SLC35A5: variants seen among roughly 807,000 people sequenced by gnomAD.
The protein encoded by SLC35A5 is solute carrier family 35 member A5, also known as UDP-sugar transporter protein SLC35A5.
In SLC35A5, 28 loss-of-function variants were observed where a neutral mutation model predicts 36.3. The observed-to-expected ratio is 0.77, with a 90% CI of 0.57 to 1.06. The LOEUF (loss-of-function observed/expected upper bound fraction) is 1.06. Ranked by LOEUF, SLC35A5 falls within the 50% of genes least tolerant of loss-of-function variation. The pLI is 0.00. For missense variants in SLC35A5, 521 were observed against 499.3 expected, an observed-to-expected ratio of 1.04 and a Z score of -0.41; for synonymous variants, 180 against 173.7, an observed-to-expected ratio of 1.04 and a Z score of -0.29.
chr3:112,579,207 C>G (rs368390226), intron 5 of SLC35A5, among the ~76,000 whole-genome samples: 16 of 152,212 alleles, frequency 1.1e-4, no homozygotes, highest in African/African-American at 3.9e-4. Context: ...GGAAGACATA[C>G]AAAACCATGG....
intron 5 of SLC35A5, 84 bp downstream of exon 5, chr3:112,574,040 G>A (rs988704852): frequency 7.5e-6 from 9 of 1,205,062 alleles, no homozygotes; most frequent in African/African-American, 3.1e-5. Context: ...ACACTGAGCC[G>A]TCAGAATCCC....
Position 112,580,889 on chromosome 3 carries a change from A to T in SLC35A5, c.772A>T (p.Asn258Tyr). 1 of 1,614,150 alleles carries T rather than the reference A, an allele frequency of 6.2e-7. No individual in the cohort carries two copies. The highest frequency in any genetic ancestry group is 8.5e-7 in the Non-Finnish European group (1 of 1,179,992). Residue 258 changes from asparagine (N) to tyrosine (Y), a missense_variant, in exon 6 of 7, where the codon AAC becomes TAC. Asn to Tyr is a moderately radical substitution (Grantham distance 143). Transcript: ENST00000492406. ...IYNEKILKEGNQLTESIFIQN... is the reference protein window; with the variant it reads ...IYNEKILKEGYQLTESIFIQN... ...TAATGAAAAGATACTGAAGGAAGGGAACCAGCTCACTGAAAGCATCTTCAT... is the reference window on the plus strand; with the variant it reads ...TAATGAAAAGATACTGAAGGAAGGGTACCAGCTCACTGAAAGCATCTTCAT...
intron 5 of SLC35A5, among the ~76,000 whole-genome samples, chr3:112,578,293 CT>C (rs1487742696): frequency 6.6e-6 from 1 of 152,126 alleles, no homozygotes; most frequent in Non-Finnish European, 1.5e-5. Context: ...AGCTTCTTGT[CT>C]TTTACTCATA....
At chr3:112,572,397 C>G (rs1203730363) in intron 4 of SLC35A5, among the ~76,000 whole-genome samples, 1 of 152,150 alleles carries the variant, frequency 6.6e-6, no homozygotes, top group Non-Finnish European at 1.5e-5. Flanking sequence ...TTCTTTGGCT[C>G]TGTAATGCAT....
At chr3:112,577,285 A>G (rs1216882211) in intron 5 of SLC35A5, among the ~76,000 whole-genome samples, 4 of 152,236 alleles carry the variant, frequency 2.6e-5, no homozygotes, top group Admixed American at 2.6e-4. Flanking sequence ...ATAAAAGACA[A>G]TATTAGATTA....
intron 5 of SLC35A5, among the ~76,000 whole-genome samples, chr3:112,579,357 C>T (rs1260584711): frequency 6.6e-6 from 1 of 152,042 alleles, no homozygotes; most frequent in Non-Finnish European, 1.5e-5. Flanking sequence ...ATTCTCACTT[C>T]TGGTTCCCAC....
intron 2 of SLC35A5, 108 bp from the exon 3 acceptor site, chr3:112,569,062 TA>T: frequency 1.2e-6 from 1 of 808,990 alleles, no homozygotes; most frequent in Non-Finnish European, 1.9e-6. Context: ...AAACTTAATA[TA>T]ACCAGTAGTA....
intron 4 of SLC35A5, among the ~76,000 whole-genome samples, chr3:112,571,032 C>G (rs1205844975): frequency 2.0e-5 from 3 of 152,178 alleles, no homozygotes; most frequent in African/African-American, 7.2e-5. Flanking sequence ...AAGAAAACTT[C>G]CCTGATTAAC....
In SLC35A5 at chr3:112,581,022, A is replaced by G. The variant is rs1559864605; in HGVS notation, c.905A>G (p.His302Arg). 6.2e-7 allele frequency: 1 copy of G among 1,614,102 alleles called. No individual in the cohort carries two copies. The highest frequency in any genetic ancestry group is 8.5e-7 in the Non-Finnish European group (1 of 1,179,968). The change falls in exon 6 of 7, where the codon CAC becomes CGC. Residue 302 changes from histidine (H) to arginine (R), a missense_variant. Physicochemically the swap from His to Arg is conservative, Grantham distance 29. Transcript: ENST00000492406. ...AAGAACTGTGGATTTTTTTATGGCC[A>G]CAGTGCATTTTCAGTAGCCCTTATT... ...QIKNCGFFYG[H>R]SAFSVALIFV...
At position 112,584,901 on chromosome 3, in the gene SLC35A5, G is replaced by C. The variant is rs1009937326; in HGVS notation, c.*2165G>C. 3 of 152,118 alleles carry C rather than the reference G, an allele frequency of 2.0e-5. No homozygotes were observed. The highest frequency in any genetic ancestry group is 2.9e-5 in the Non-Finnish European group (2 of 68,028). The allele number at this position is 152,118 out of a possible 1,614,324, so 9.4% of individuals were successfully genotyped here. On this transcript the variant is annotated 3_prime_UTR_variant, in exon 7 of 7. Coordinates refer to ENST00000492406, the MANE Select transcript of SLC35A5 (RefSeq NM_017945.5). Reference sequence around the variant, plus strand: ...TGTGCTTTAAAGCCACATGGATGCAGCTGGAAGCCATTATCCTAACTGAAA... The same window carrying C: ...TGTGCTTTAAAGCCACATGGATGCACCTGGAAGCCATTATCCTAACTGAAA...
At chr3:112,572,231 C>T (rs1006781680) in intron 4 of SLC35A5, among the ~76,000 whole-genome samples, 2 of 151,666 alleles carry the variant, frequency 1.3e-5, no homozygotes, top group Non-Finnish European at 2.9e-5. Flanking sequence ...CGTGAGCCAC[C>T]GTGCCCGGCC....
chr3:112,580,505 G>A, intron 5 of SLC35A5, 41 bp from the exon 6 acceptor site: 1 of 1,540,260 alleles, frequency 6.5e-7, no homozygotes, highest in Non-Finnish European at 8.7e-7. Context: ...TTGATATGGG[G>A]GGAAAACAGT....
chr3:112,561,437 G>T (rs1234028217), upstream of SLC35A5: 4 of 1,611,710 alleles, frequency 2.5e-6, no homozygotes, highest in South Asian at 3.3e-5. Context: ...ACAGCTCCCG[G>T]CAACCCTGGC....
Position 112,580,921 on chromosome 3 carries a change from C to A in SLC35A5, c.804C>A (p.Asn268Lys). ...TCACTGAAAGCATCTTCATACAGAA[C>A]AGCAAACTCTATTTCTTTGGCATTC... Reference protein sequence around the residue: ...NQLTESIFIQNSKLYFFGILF... With the variant: ...NQLTESIFIQKSKLYFFGILF... The change falls in exon 6 of 7, where the codon AAC becomes AAA. Residue 268 changes from asparagine to lysine, a missense_variant. Asn to Lys is a moderately conservative substitution (Grantham distance 94). Coordinates refer to ENST00000492406, the MANE Select transcript of SLC35A5 (RefSeq NM_017945.5). 1 of 1,614,150 alleles carries A rather than the reference C, an allele frequency of 6.2e-7. No individual in the cohort carries two copies. The highest frequency in any genetic ancestry group is 8.5e-7 in the Non-Finnish European group (1 of 1,179,990).
chr3:112,562,758 A>T (rs906931924), intron 1 of SLC35A5, among the ~76,000 whole-genome samples: 30 of 152,210 alleles, frequency 2.0e-4, no homozygotes, highest in African/African-American at 6.3e-4. Context: ...CAGCAAAATT[A>T]TTTACTAATA....
rs771564794 is a variant in SLC35A5 at position 112,569,268 on chromosome 3, A to T, written c.228A>T (p.Lys76Asn). 7 of 1,613,240 alleles carry T rather than the reference A, an allele frequency of 4.3e-6. No homozygotes were observed. Among genetic ancestry groups the T allele is most frequent in the Non-Finnish European group, 5.1e-6 (6 of 1,179,354 alleles). Residue 76 changes from lysine (K) to asparagine (N), a missense_variant and splice_region_variant, in exon 3 of 7, where the codon AAA becomes AAT. Coordinates refer to ENST00000492406, the MANE Select transcript of SLC35A5 (RefSeq NM_017945.5). ...TTGTGTCATTCTGTGTTATAAAGAA[A>T]GGTAAGTCTTGAAATGGTACTATAT... is the stretch of plus-strand genomic sequence containing the variant. ...CVLVSFCVIK[K>N]DHQSRNLKYA...
At position 112,573,971 on chromosome 3, in the gene SLC35A5, G is replaced by A. The variant is rs776754615; in HGVS notation, c.428+15G>A. On this transcript the variant is annotated intron_variant, in intron 5 of 6. Coordinates refer to ENST00000492406, the MANE Select transcript of SLC35A5 (RefSeq NM_017945.5). ...ATAGTGCTGAAGTAAGTAACTTGCTGTGAAAACATATATCATACTTTAAAA... is the reference window on the plus strand; with the variant it reads ...ATAGTGCTGAAGTAAGTAACTTGCTATGAAAACATATATCATACTTTAAAA... The A allele has an allele frequency of 1.9e-6, 3 of 1,599,600 alleles. No homozygotes were observed. Among genetic ancestry groups the A allele is most frequent in the South Asian group, 1.1e-5 (1 of 90,690 alleles).
At chr3:112,572,155 G>T (rs1233103844) in intron 4 of SLC35A5, among the ~76,000 whole-genome samples, 1 of 149,312 alleles carries the variant, frequency 6.7e-6, no homozygotes, top group African/African-American at 2.5e-5. Context: ...TGTTAGCCAG[G>T]ATGGTCTCGA....
At position 112,569,154 on chromosome 3, in the gene SLC35A5, T is replaced by C; in HGVS notation, c.131-17T>C. 6.3e-7 allele frequency: 1 copy of C among 1,587,370 alleles called. No homozygotes were observed. The highest frequency in any genetic ancestry group is 8.6e-7 in the Non-Finnish European group (1 of 1,156,840). On this transcript the variant is annotated splice_polypyrimidine_tract_variant and intron_variant, in intron 2 of 6. Transcript: ENST00000492406. ...GAATAAAATATATAGTTAAAAAACA[T>C]TTCTGTTACATTTCAGAAAACAAGT...
Sources: allele counts gnomAD v4.1 joint callset (sites outside exome capture counted in the v4.1 genomes callset), GRCh38; gene constraint gnomAD v4.1.1; transcripts MANE v1.5; gene names NCBI Gene and HGNC (gene_info 2026-07-23, HGNC 2026-07-21).